The following DMD variants were observed in gnomAD, a reference collection of about 807,000 sequenced individuals.
DMD encodes mutant dystrophin.
A neutral mutation model predicts 330.1 loss-of-function variants in DMD; 63 were observed. The observed-to-expected ratio is 0.19, with a 90% confidence interval of 0.16 to 0.24. DMD has a LOEUF of 0.24. Among genes scored for constraint, DMD ranks in the 10% least tolerant of loss-of-function variants. The pLI, the probability that DMD is intolerant of heterozygous loss-of-function variation, is 1.00. For synonymous variants in DMD, 1,223 were observed against 959.8 expected, an observed-to-expected ratio of 1.27 and a Z score of -5.07; for missense variants, 3,344 against 2,684.1, an observed-to-expected ratio of 1.25 and a Z score of -5.43.
At chrX:32,448,352 A>G in intron 27 of DMD, 104 bp downstream of exon 27, 1 of 957,270 alleles carries the variant, frequency 1.0e-6, no homozygotes, top group South Asian at 2.0e-5. Context: ...TGAGGAATTC[A>G]AGCCAAAGTT....
chrX:31,266,955 G>C, intron 62 of DMD: 2 of 1,084,404 alleles, frequency 1.8e-6, no homozygotes, highest in Non-Finnish European at 2.5e-6. Flanking sequence ...AAAGCACTGC[G>C]GAGGAGCCGG....
intron 64 of DMD, among the ~76,000 whole-genome samples, chrX:31,214,930 C>CTTTTTTTTTTTTTTTT (rs1302015325): frequency 2.2e-5 from 1 of 46,132 alleles, no homozygotes; most frequent in African/African-American, 8.2e-5. Flanking sequence ...TTTTTTATTT[C>CTTTTTTTTTTTTTTTT]TTTTTTCTTT....
intron 47 of DMD, among the ~76,000 whole-genome samples, chrX:31,917,882 A>G (rs2094630196): frequency 1.8e-5 from 2 of 112,126 alleles, no homozygotes; most frequent in South Asian, 7.5e-4. Flanking sequence ...GGGACAATGT[A>G]GACACACCAA....
At chrX:31,674,739 G>A (rs1034977451) in intron 53 of DMD, among the ~76,000 whole-genome samples, 5 of 112,446 alleles carry the variant, frequency 4.4e-5, no homozygotes, top group African/African-American at 1.3e-4. Flanking sequence ...AGTTTAAAAC[G>A]ATCAAGAAAT....
At chrX:31,233,386 A>G (rs150205796) in intron 63 of DMD, among the ~76,000 whole-genome samples, 267 of 112,020 alleles carry the variant, frequency 2.4e-3, no homozygotes, top group African/African-American at 8.0e-3. Flanking sequence ...GCCAGGGCAG[A>G]GCCAGTTTAA....
Position 32,844,925 on chromosome X carries a change from A to G in DMD, c.187-65T>C. ...AGACCGACAATCTACTAGAAATGAAACCATTTATAATTTCACTATTAAGCT... is the reference window on the plus strand; with the variant it reads ...AGACCGACAATCTACTAGAAATGAAGCCATTTATAATTTCACTATTAAGCT... On this transcript the variant is annotated intron_variant, in intron 3 of 78. Transcript: ENST00000357033. 6.6e-6 allele frequency: 6 copies of G among 905,690 alleles called. No individual in the cohort carries two copies. In the Admixed American group the frequency reaches 1.3e-4, roughly 20 times the overall value. The allele number at this position is 905,690 out of a possible 1,213,427, so 74.6% of individuals were successfully genotyped here. A position where few individuals can be genotyped will look rare whatever the true frequency, so the allele number is the denominator to read the frequency against.
chrX:31,399,009 G>A lies in DMD; in HGVS notation c.9084+45472C>T, dbSNP rs200078685. Among the ~76,000 whole-genome samples the A allele has an allele frequency of 5.2e-5, 5 of 95,368 alleles. No individual in the cohort carries two copies. The East Asian group carries it at 1.4e-3, about 27-fold the overall frequency. The allele number at this position is 95,368 out of a possible 115,157, so 82.8% of individuals were successfully genotyped here. A position where few individuals can be genotyped will look rare whatever the true frequency, so the allele number is the denominator to read the frequency against. On this transcript the variant is annotated intron_variant, in intron 60 of 78. Coordinates refer to ENST00000357033, the MANE Select transcript of DMD (RefSeq NM_004006.3). Reference sequence around the variant, plus strand: ...GGCCCTGCAGCAGCCTCTAGGGGAGGGTGCCCATGAGGAAGTGTTACAGCG... The same window carrying A: ...GGCCCTGCAGCAGCCTCTAGGGGAGAGTGCCCATGAGGAAGTGTTACAGCG...
intron 7 of DMD, among the ~76,000 whole-genome samples, chrX:32,777,538 C>T (rs1165671525): frequency 9.1e-6 from 1 of 110,455 alleles, no homozygotes; most frequent in African/African-American, 3.3e-5. Context: ...ATGCTTCCTT[C>T]AGATGGGGTG....
At chrX:33,048,513 A>T (rs2094413715) in intron 1 of DMD, among the ~76,000 whole-genome samples, 1 of 108,753 alleles carries the variant, frequency 9.2e-6, no homozygotes, top group Non-Finnish European at 1.9e-5. Flanking sequence ...AACATGGTGA[A>T]ATCCCGTCTC....
intron 44 of DMD, among the ~76,000 whole-genome samples, chrX:31,997,634 C>T (rs895946499): frequency 2.7e-5 from 3 of 109,871 alleles, no homozygotes; most frequent in East Asian, 5.7e-4. Flanking sequence ...GGGCATGTGG[C>T]TTGTATTTTT....
intron 34 of DMD, among the ~76,000 whole-genome samples, chrX:32,371,099 G>A (rs1163535408): frequency 3.6e-5 from 4 of 111,255 alleles, no homozygotes; most frequent in Non-Finnish European, 7.6e-5. Flanking sequence ...CAGGCAAACA[G>A]AAAGATGCAT....
intron 51 of DMD, among the ~76,000 whole-genome samples, chrX:31,737,412 A>T (rs997031742): frequency 1.8e-5 from 2 of 113,099 alleles, no homozygotes; most frequent in Admixed American, 1.9e-4. Context: ...AGTTCATTCA[A>T]AGTGGGATGA....
intron 17 of DMD, among the ~76,000 whole-genome samples, chrX:32,537,477 G>A (rs2048095540): frequency 9.0e-6 from 1 of 111,191 alleles, no homozygotes; most frequent in African/African-American, 3.3e-5. Flanking sequence ...AGAGAACAAT[G>A]TCCCAGAAAC....
At chrX:31,645,750 G>T (rs935972568) in intron 54 of DMD, among the ~76,000 whole-genome samples, 2 of 111,774 alleles carry the variant, frequency 1.8e-5, no homozygotes, top group Non-Finnish European at 3.8e-5. Context: ...ACTTTTAGAA[G>T]GGATGCATAC....
intron 4 of DMD, among the ~76,000 whole-genome samples, chrX:32,826,358 C>G (rs2078692005): frequency 9.0e-6 from 1 of 111,622 alleles, no homozygotes; most frequent in South Asian, 3.7e-4. Flanking sequence ...GGAAACAAAT[C>G]AATATGTCAA....
chrX:31,337,026 C>T (rs1035526823), intron 61 of DMD, among the ~76,000 whole-genome samples: 10 of 107,364 alleles, frequency 9.3e-5, no homozygotes, highest in Non-Finnish European at 1.9e-4. Flanking sequence ...TGGGTTCAAG[C>T]GATTCTCCTG....
chrX:32,661,396 G>A (rs914505404), intron 9 of DMD, among the ~76,000 whole-genome samples: 1 of 108,165 alleles, frequency 9.2e-6, no homozygotes. Flanking sequence ...ACTATGAGGA[G>A]ACCTGATTCA....
At chrX:31,964,607 G>A in intron 45 of DMD, among the ~76,000 whole-genome samples, 1 of 109,316 alleles carries the variant, frequency 9.1e-6, no homozygotes, top group East Asian at 2.9e-4. Flanking sequence ...GTGTGTGTGT[G>A]TGTGTGTGTG....
intron 44 of DMD, among the ~76,000 whole-genome samples, chrX:32,033,653 G>GAAGAAAGAAAGAAAGA (rs1557081473): frequency 6.8e-5 from 4 of 59,082 alleles, no homozygotes; most frequent in African/African-American, 2.8e-4. Context: ...AAGAAAGAAA[G>GAAGAAAGAAAGAAAGA]AAGAAAGAAA....
Sources: allele counts gnomAD v4.1 joint callset (sites outside exome capture counted in the v4.1 genomes callset), GRCh38; gene constraint gnomAD v4.1.1; transcripts MANE v1.5; gene names NCBI Gene and HGNC (gene_info 2026-07-23, HGNC 2026-07-21).